Variants in CUL1 observed in about 807,000 individuals in gnomAD.
The protein encoded by CUL1 is cullin 1.
CUL1 carries 24 observed loss-of-function variants against 118.0 expected under a neutral mutation model. That is an observed-to-expected ratio of 0.20 (90% CI 0.15 to 0.29). The LOEUF (loss-of-function observed/expected upper bound fraction) is 0.29. Among genes scored for constraint, CUL1 ranks in the 10% least tolerant of loss-of-function variants. CUL1 has a pLI of 1.00. For missense variants in CUL1, 361 were observed against 933.8 expected (o/e 0.39, Z 7.99); for synonymous variants, 332 against 340.4 (o/e 0.98, Z 0.27).
At chr7:148,713,725 TTA>T (rs902065136) in intron 1 of CUL1, among the ~76,000 whole-genome samples, 4 of 152,104 alleles carry the variant, frequency 2.6e-5, no homozygotes, top group Non-Finnish European at 5.9e-5. Flanking sequence ...GTATTTTATA[TTA>T]TATATATATT....
chr7:148,721,690 T>C (rs1308538981), intron 1 of CUL1, among the ~76,000 whole-genome samples: 3 of 152,176 alleles, frequency 2.0e-5, no homozygotes, highest in African/African-American at 4.8e-5. Context: ...ATCTTAGATA[T>C]AAAAATGATA....
chr7:148,774,980 C>A (rs1233165628), intron 9 of CUL1, among the ~76,000 whole-genome samples: 3 of 152,140 alleles, frequency 2.0e-5, no homozygotes, highest in African/African-American at 7.2e-5. Flanking sequence ...TTAGGTAGCT[C>A]CGGCAAGTTA....
chr7:148,786,517 GT>G (rs753504506), intron 11 of CUL1, 33 bp from the exon 12 acceptor site: 26 of 1,567,556 alleles, frequency 1.7e-5, no homozygotes, highest in Non-Finnish European at 2.2e-5. Context: ...ACGTACTGAT[GT>G]TTTAAAACAT....
chr7:148,698,285 T>G (rs1488682787), upstream of CUL1: 16 of 149,552 alleles, frequency 1.1e-4, no homozygotes, highest in Non-Finnish European at 2.2e-4. Flanking sequence ...CCAGGCAAGC[T>G]GGGGGTGGGG....
chr7:148,747,358 AAAGT>A (rs1386754723), intron 2 of CUL1, among the ~76,000 whole-genome samples: 3 of 152,202 alleles, frequency 2.0e-5, no homozygotes, highest in South Asian at 2.1e-4. Context: ...GCTCTGCACA[AAAGT>A]AAGAGGGAAT....
At chr7:148,748,338 A>G (rs1416719716) in intron 2 of CUL1, among the ~76,000 whole-genome samples, 3 of 152,208 alleles carry the variant, frequency 2.0e-5, no homozygotes, top group Non-Finnish European at 4.4e-5. Context: ...GGTTGAAAAT[A>G]AAGGGCTGGA....
intron 7 of CUL1, among the ~76,000 whole-genome samples, chr7:148,762,586 A>T (rs553882155): frequency 6.6e-6 from 1 of 152,372 alleles, no homozygotes; most frequent in East Asian, 1.9e-4. Context: ...TTCATTGTTT[A>T]ATATGACAGT....
At chr7:148,747,814 A>G (rs1322690456) in intron 2 of CUL1, among the ~76,000 whole-genome samples, 1 of 152,250 alleles carries the variant, frequency 6.6e-6, no homozygotes, top group East Asian at 1.9e-4. Flanking sequence ...AAAGAGAATC[A>G]CTTAACCAGA....
At chr7:148,789,725 C>T (rs1455766197) in intron 14 of CUL1, 25 bp from the exon 15 acceptor site, 1 of 1,598,766 alleles carries the variant, frequency 6.3e-7, no homozygotes, top group African/African-American at 1.3e-5. Context: ...AGAATGTTCA[C>T]TCTCCCCTCT....
intron 9 of CUL1, among the ~76,000 whole-genome samples, chr7:148,773,793 C>T (rs1800304081): frequency 6.6e-6 from 1 of 152,188 alleles, no homozygotes; most frequent in Non-Finnish European, 1.5e-5. Flanking sequence ...CAAAACCCAG[C>T]TCAAAAGTTT....
intron 2 of CUL1, among the ~76,000 whole-genome samples, chr7:148,748,690 A>G (rs1046608954): frequency 2.6e-5 from 4 of 152,194 alleles, no homozygotes; most frequent in Admixed American, 6.5e-5. Flanking sequence ...AGAGATGGGC[A>G]TTGTTTTTAG....
Position 148,725,202 on chromosome 7 carries a change from C to CACGCGCGCGTGT in CUL1, c.-161-4758_-161-4757insGCGCGCGTGTAC, listed in dbSNP as rs1193847310. Among the ~76,000 whole-genome samples, 11 of 134,026 alleles carry CACGCGCGCGTGT rather than the reference C, an allele frequency of 8.2e-5. No homozygotes were observed. In the East Asian group the frequency reaches 2.4e-3, roughly 29 times the overall value. 87.9% of individuals were successfully genotyped at this position (134,026 alleles called of 152,430 possible). On this transcript the variant is annotated intron_variant, in intron 1 of 21. Coordinates refer to ENST00000325222, the MANE Select transcript of CUL1 (RefSeq NM_003592.3). The stretch of plus-strand genomic sequence containing the variant: ...TGCAGCGCACATGCGCGCGTGTACA[C>CACGCGCGCGTGT]ACACACACACGCGCGCGCTCACACA...
At chr7:148,700,783 T>G (rs1797696498) in intron 1 of CUL1, among the ~76,000 whole-genome samples, 1 of 152,184 alleles carries the variant, frequency 6.6e-6, no homozygotes, top group African/African-American at 2.4e-5. Flanking sequence ...AAAAACGATT[T>G]TGTCAAAAAA....
intron 11 of CUL1, among the ~76,000 whole-genome samples, chr7:148,785,009 G>A (rs1290050375): frequency 6.6e-6 from 1 of 152,200 alleles, no homozygotes; most frequent in African/African-American, 2.4e-5. Flanking sequence ...TACCAAGTCT[G>A]ATGTAATTTA....
At chr7:148,799,770 GCA>G (rs1801327074) in intron 21 of CUL1, among the ~76,000 whole-genome samples, 1 of 152,054 alleles carries the variant, frequency 6.6e-6, no homozygotes, top group African/African-American at 2.4e-5. Context: ...AGATTCTAGA[GCA>G]CACACTCCCG....
chr7:148,775,200 G>T (rs946724924), intron 9 of CUL1, among the ~76,000 whole-genome samples: 2 of 152,200 alleles, frequency 1.3e-5, no homozygotes, highest in Non-Finnish European at 1.5e-5. Context: ...CTCTTCTGTA[G>T]TGAAGTGCGT....
At chr7:148,767,011 A>C (rs1316587219) in intron 8 of CUL1, among the ~76,000 whole-genome samples, 2 of 152,126 alleles carry the variant, frequency 1.3e-5, no homozygotes, top group Non-Finnish European at 2.9e-5. Flanking sequence ...ATTCTCTGAG[A>C]TGAGGAGACT....
At chr7:148,750,168 C>G (rs547412476) in intron 2 of CUL1, among the ~76,000 whole-genome samples, 1 of 152,232 alleles carries the variant, frequency 6.6e-6, no homozygotes, top group East Asian at 1.9e-4. Context: ...GGTGAAGCAG[C>G]AAGTGCTGAT....
Position 148,784,220 on chromosome 7 carries a change from C to T in CUL1, c.1298+143C>T, listed in dbSNP as rs1042340927. ...AGAAAAATGCTTAAACATAATCGTC[C>T]TTGCCGTTGAAAATCTGCATTCCCT... On this transcript the variant is annotated intron_variant, in intron 11 of 21. Transcript: ENST00000325222. 14 of 685,136 alleles carry T rather than the reference C, an allele frequency of 2.0e-5. No homozygotes were observed. In the African/African-American group the frequency reaches 2.5e-4, roughly 12 times the overall value. 42.4% of individuals were successfully genotyped at this position (685,136 alleles called of 1,614,324 possible). A position where few individuals can be genotyped will look rare whatever the true frequency, so the allele number is the denominator to read the frequency against.
Sources: allele counts gnomAD v4.1 joint callset (sites outside exome capture counted in the v4.1 genomes callset), GRCh38; gene constraint gnomAD v4.1.1; transcripts MANE v1.5; gene names NCBI Gene and HGNC (gene_info 2026-07-23, HGNC 2026-07-21).